Variants in DISC1 observed in about 807,000 individuals in gnomAD.
DISC1 encodes the protein DISC1 scaffold protein.
Under a neutral mutation model 84.5 loss-of-function variants are expected in DISC1, and 57 were observed. The observed-to-expected ratio is 0.67, with a 90% CI of 0.55 to 0.84. DISC1 has a LOEUF of 0.84. Ranked by LOEUF, DISC1 falls within the 40% of genes least tolerant of loss-of-function variation. The pLI is 0.00. For synonymous variants in DISC1, 411 were observed against 415.2 expected (o/e 0.99, Z 0.12); for missense variants, 1,000 against 1,057.8 (o/e 0.95, Z 0.76).
At chr1:231,650,777 C>G (rs2060549268) in intron 1 of DISC1, among the ~76,000 whole-genome samples, 1 of 152,074 alleles carries the variant, frequency 6.6e-6, no homozygotes, top group African/African-American at 2.4e-5. Context: ...ACTCTTTTTT[C>G]TCTAAACTTC....
chr1:231,935,471 C>G (rs140576246), intron 9 of DISC1, among the ~76,000 whole-genome samples: 1 of 152,086 alleles, frequency 6.6e-6, no homozygotes, highest in Non-Finnish European at 1.5e-5. Context: ...GTCCTCTACG[C>G]GTGATATAAA....
At chr1:231,722,905 A>T in intron 3 of DISC1, 1 of 1,299,162 alleles carries the variant, frequency 7.7e-7, no homozygotes, top group South Asian at 1.8e-5. Context: ...TGTTGGGACA[A>T]TTAGATTTTT....
intron 10 of DISC1, chr1:231,959,247 C>A: frequency 1.0e-6 from 1 of 1,001,642 alleles, no homozygotes; most frequent in Non-Finnish European, 1.2e-6. Flanking sequence ...GATTTTAAGG[C>A]GGTTTATACA....
At chr1:231,905,331 T>C (rs1326962311) in intron 9 of DISC1, among the ~76,000 whole-genome samples, 1 of 152,202 alleles carries the variant, frequency 6.6e-6, no homozygotes. Flanking sequence ...AGTCAAGGAA[T>C]GGCCAGGCTG....
At chr1:231,810,513 A>G (rs1558585255) in intron 8 of DISC1, among the ~76,000 whole-genome samples, 1 of 152,220 alleles carries the variant, frequency 6.6e-6, no homozygotes, top group South Asian at 2.1e-4. Flanking sequence ...ACCTACCCAA[A>G]GAGAATAAGC....
At chr1:231,795,378 A>G in intron 7 of DISC1, 82 bp downstream of exon 7, 1 of 1,268,936 alleles carries the variant, frequency 7.9e-7, no homozygotes, top group South Asian at 1.3e-5. Flanking sequence ...ATCTTAGGAT[A>G]CCTGGCTTCT....
chr1:231,987,653 G>A (rs955476906), intron 10 of DISC1, among the ~76,000 whole-genome samples: 2 of 152,134 alleles, frequency 1.3e-5, no homozygotes, highest in Admixed American at 1.3e-4. Flanking sequence ...GGGACTCCAG[G>A]TATCTTTTTC....
At chr1:231,907,105 T>TTCCTCC (rs2088763480) in intron 9 of DISC1, among the ~76,000 whole-genome samples, 2 of 97,198 alleles carry the variant, frequency 2.1e-5, no homozygotes, top group Non-Finnish European at 4.0e-5. Flanking sequence ...CCTCCTTCCT[T>TTCCTCC]CTCTCCTTCC....
At chr1:231,923,451 G>A (rs2090139903) in intron 9 of DISC1, among the ~76,000 whole-genome samples, 1 of 152,218 alleles carries the variant, frequency 6.6e-6, no homozygotes, top group East Asian at 1.9e-4. Context: ...CCAGGTGTTC[G>A]AGGCTGCTGC....
At chr1:231,695,227 A>G (rs1388350537) in intron 2 of DISC1, among the ~76,000 whole-genome samples, 1 of 152,192 alleles carries the variant, frequency 6.6e-6, no homozygotes, top group Non-Finnish European at 1.5e-5. Flanking sequence ...CGCTTCACTC[A>G]TTCCCTTCCA....
At chr1:231,884,870 T>C (rs551087864) in intron 9 of DISC1, among the ~76,000 whole-genome samples, 1 of 152,168 alleles carries the variant, frequency 6.6e-6, no homozygotes, top group South Asian at 2.1e-4. Flanking sequence ...ACAGGAGGAA[T>C]TAACCTGGGA....
At chr1:231,788,991 C>T (rs1231224391) in intron 6 of DISC1, among the ~76,000 whole-genome samples, 1 of 150,518 alleles carries the variant, frequency 6.6e-6, no homozygotes, top group Non-Finnish European at 1.5e-5. Flanking sequence ...ACTTCAAGTA[C>T]TTCTCCAAAA....
At chr1:231,949,965 G>C (rs1572276612) in intron 9 of DISC1, among the ~76,000 whole-genome samples, 2 of 152,274 alleles carry the variant, frequency 1.3e-5, no homozygotes, top group South Asian at 4.1e-4. Context: ...CCCAGCCCCA[G>C]TCTCCTTATC....
chr1:231,854,050 A>G (rs1014775129), intron 9 of DISC1, among the ~76,000 whole-genome samples: 1 of 152,190 alleles, frequency 6.6e-6, no homozygotes, highest in African/African-American at 2.4e-5. Flanking sequence ...TGGTCAGTCT[A>G]GGGCGGCCCA....
At chr1:231,927,781 C>T (rs1463569917) in intron 9 of DISC1, among the ~76,000 whole-genome samples, 2 of 152,232 alleles carry the variant, frequency 1.3e-5, no homozygotes, top group African/African-American at 2.4e-5. Context: ...AGCCCACGAA[C>T]TAGTTTCCAA....
chr1:231,704,052 C>T (rs1482849924), intron 3 of DISC1, among the ~76,000 whole-genome samples: 5 of 152,188 alleles, frequency 3.3e-5, no homozygotes, highest in African/African-American at 4.8e-5. Context: ...ACAGGACACA[C>T]GATTTACATG....
At chr1:231,790,447 A>G (rs2078245510) in intron 6 of DISC1, among the ~76,000 whole-genome samples, 2 of 152,018 alleles carry the variant, frequency 1.3e-5, no homozygotes. Context: ...GCTTGCAGAC[A>G]GCTGTCTTCT....
chr1:231,995,591 T>C lies in DISC1; in HGVS notation c.2043-13194T>C, dbSNP rs1374531248. 2.0e-5 allele frequency among the ~76,000 whole-genome samples: 3 copies of C among 152,038 alleles called. No homozygotes were observed. The East Asian group carries it at 5.8e-4, about 29-fold the overall frequency. ...CACCTATGAGTGAGAACATGCGGTGTTTGGTTTTTTGTCCTTGCAATAGTT... is the reference window on the plus strand; with the variant it reads ...CACCTATGAGTGAGAACATGCGGTGCTTGGTTTTTTGTCCTTGCAATAGTT... On this transcript the variant is annotated intron_variant, in intron 10 of 12. Transcript: ENST00000439617.
At chr1:231,737,093 A>T (rs2072614747) in intron 3 of DISC1, among the ~76,000 whole-genome samples, 1 of 152,262 alleles carries the variant, frequency 6.6e-6, no homozygotes, top group Non-Finnish European at 1.5e-5. Flanking sequence ...CTTCAATTAA[A>T]CATTAGCAAA....
Sources: allele counts gnomAD v4.1 joint callset (sites outside exome capture counted in the v4.1 genomes callset), GRCh38; gene constraint gnomAD v4.1.1; transcripts MANE v1.5; gene names NCBI Gene and HGNC (gene_info 2026-07-23, HGNC 2026-07-21).